FAM222A: variants seen among roughly 807,000 people sequenced by gnomAD.
The protein encoded by FAM222A is protein FAM222A.
In FAM222A, 7 loss-of-function variants were observed where a neutral mutation model predicts 25.8. The ratio of observed to expected loss-of-function variants is 0.27; its 90% confidence interval spans 0.15 to 0.51. FAM222A has a LOEUF of 0.51. FAM222A is among the 20% of genes least tolerant of loss of function. The probability of loss-of-function intolerance (pLI) is 0.97; values close to 1 mark genes in which losing one functional copy is unlikely to be tolerated. For synonymous variants in FAM222A, 294 were observed against 298.8 expected, an observed-to-expected ratio of 0.98 and a Z score of 0.17; for missense variants, 573 against 640.5, an observed-to-expected ratio of 0.89 and a Z score of 1.14.
chr12:109,726,119 T>TAAA (rs11464580), intron 1 of FAM222A, among the ~76,000 whole-genome samples: 51 of 110,342 alleles, frequency 4.6e-4, no homozygotes, highest in African/African-American at 1.5e-3. Context: ...AAAAAATTGC[T>TAAA]AAAAAAAAAA....
chr12:109,724,185 A>C (rs1204633105), intron 1 of FAM222A, among the ~76,000 whole-genome samples: 4 of 152,168 alleles, frequency 2.6e-5, no homozygotes, highest in Non-Finnish European at 4.4e-5. Flanking sequence ...ACCCACTGAG[A>C]TCTCTCACAG....
intron 1 of FAM222A, among the ~76,000 whole-genome samples, chr12:109,728,973 T>TAA (rs57626981): frequency 0.65 from 95,610 of 147,734 alleles, 31,783 homozygotes; most frequent in East Asian, 0.82. Flanking sequence ...GGGTTACAGG[T>TAA]AAAAAAAAAA....
At position 109,768,256 on chromosome 12, in the gene FAM222A, G is replaced by A. The variant is rs771098291; in HGVS notation, c.327G>A (p.Ala109=). 22 of 1,608,966 alleles carry A rather than the reference G, an allele frequency of 1.4e-5. No homozygotes were observed. Among genetic ancestry groups the A allele is most frequent in the Non-Finnish European group, 1.6e-5 (19 of 1,178,400 alleles). The change falls in exon 3 of 3, where the codon GCG becomes GCA. Residue 109 remains alanine, a synonymous_variant. Coordinates refer to ENST00000538780, the MANE Select transcript of FAM222A (RefSeq NM_032829.3). ...GCCTTCTGGCCATTGTCAAGGCCGCGGTTTCCTCCTCCAGCACGGCCGCAC... is the reference window on the plus strand; with the variant it reads ...GCCTTCTGGCCATTGTCAAGGCCGCAGTTTCCTCCTCCAGCACGGCCGCAC... ...YQGLLAIVKA[A]VSSSSTAAPA...
At chr12:109,755,587 C>A (rs1888704366) in intron 2 of FAM222A, among the ~76,000 whole-genome samples, 1 of 152,178 alleles carries the variant, frequency 6.6e-6, no homozygotes, top group African/African-American at 2.4e-5. Flanking sequence ...CTCGGCCTCC[C>A]AAAGTGCTGG....
Position 109,768,883 on chromosome 12 carries a change from C to A in FAM222A, c.954C>A (p.Gly318=). 6.3e-7 allele frequency: 1 copy of A among 1,581,534 alleles called. No individual in the cohort carries two copies. The highest frequency in any genetic ancestry group is 8.5e-7 in the Non-Finnish European group (1 of 1,171,372). Reference sequence around the variant, plus strand: ...GCAAGTCCCCTGAGGCTTGCGGGGGCCGGGCATACGAGCGGGCCAGCGGGT... The same window carrying A: ...GCAAGTCCCCTGAGGCTTGCGGGGGACGGGCATACGAGCGGGCCAGCGGGT... ...VASKSPEACG[G]RAYERASGSP... Residue 318 remains glycine, a synonymous_variant, in exon 3 of 3, where the codon GGC becomes GGA. Transcript: ENST00000538780.
chr12:109,725,427 T>TCTCCCCCCCC (rs1555288242), intron 1 of FAM222A, among the ~76,000 whole-genome samples: 4 of 127,238 alleles, frequency 3.1e-5, no homozygotes, highest in Admixed American at 8.4e-5. Flanking sequence ...CTCTTCTCCC[T>TCTCCCCCCCC]CTCCCTCCCC....
At position 109,748,340 on chromosome 12, in the gene FAM222A, T is replaced by C. The variant is rs1273545215; in HGVS notation, c.82+4112T>C. 6.2e-4 allele frequency among the ~76,000 whole-genome samples: 90 copies of C among 145,342 alleles called. 1 individual carries two copies. The highest frequency in any genetic ancestry group is 1.8e-3 in the Admixed American group (26 of 14,784). The stretch of plus-strand genomic sequence containing the variant: ...TTGTTCTTTGGTTTTCTTTCTTTTT[T>C]TTTTTTTTTTTTTTGGAACAATTTT... On this transcript the variant is annotated intron_variant, in intron 2 of 2. Coordinates refer to ENST00000538780, the MANE Select transcript of FAM222A (RefSeq NM_032829.3).
At chr12:109,745,019 A>C (rs1888357355) in intron 2 of FAM222A, among the ~76,000 whole-genome samples, 1 of 152,134 alleles carries the variant, frequency 6.6e-6, no homozygotes, top group Admixed American at 6.5e-5. Context: ...CAATGTGAAA[A>C]TATTTTTTTT....
intron 1 of FAM222A, among the ~76,000 whole-genome samples, chr12:109,730,630 A>T (rs1002946870): frequency 4.6e-5 from 7 of 151,992 alleles, no homozygotes; most frequent in African/African-American, 1.7e-4. Flanking sequence ...CTGACCTGGG[A>T]TTGGGGTTGC....
At chr12:109,767,893 A>G in intron 2 of FAM222A, 119 bp from the exon 3 acceptor site, 1 of 1,014,496 alleles carries the variant, frequency 9.9e-7, no homozygotes. Context: ...TTAAAAATGT[A>G]GAAGGAATAA....
At chr12:109,719,907 C>T (rs61943760) in intron 1 of FAM222A, among the ~76,000 whole-genome samples, 3,834 of 152,230 alleles carry the variant, frequency 0.025, 127 homozygotes, top group African/African-American at 0.07. Context: ...GCTTGGGAGT[C>T]GCAGACCTGG....
Position 109,744,125 on chromosome 12 carries a change from A to C in FAM222A, c.-22A>C. 1 of 1,611,150 alleles carries C rather than the reference A, an allele frequency of 6.2e-7. No individual in the cohort carries two copies. The highest frequency in any genetic ancestry group is 8.5e-7 in the Non-Finnish European group (1 of 1,179,482). ...GGGACCCAGTCGCAGAGCGCACCCC[A>C]CTGGGGACCCCCAGCTCAGCCATGC... On this transcript the variant is annotated 5_prime_UTR_variant, in exon 2 of 3. Coordinates refer to ENST00000538780, the MANE Select transcript of FAM222A (RefSeq NM_032829.3).
At chr12:109,762,799 T>C (rs2136381555) in intron 2 of FAM222A, among the ~76,000 whole-genome samples, 1 of 152,150 alleles carries the variant, frequency 6.6e-6, no homozygotes, top group Middle Eastern at 3.4e-3. Context: ...GGGAACAAGA[T>C]GTAAAGGAGG....
At chr12:109,717,766 T>C (rs824997) in intron 1 of FAM222A, among the ~76,000 whole-genome samples, 137,882 of 152,280 alleles carry the variant, frequency 0.91, 62,711 homozygotes, top group East Asian at 1. Flanking sequence ...TCTCCTCTCT[T>C]AAGGTTGGCC....
At chr12:109,716,107 G>A (rs566350381) in intron 1 of FAM222A, among the ~76,000 whole-genome samples, 1 of 152,324 alleles carries the variant, frequency 6.6e-6, no homozygotes, top group South Asian at 2.1e-4. Flanking sequence ...TGGCGGGCAA[G>A]TGAGGCCCAT....
chr12:109,764,221 T>TAA (rs1565847960), intron 2 of FAM222A, among the ~76,000 whole-genome samples: 2 of 9,888 alleles, frequency 2.0e-4, no homozygotes, highest in South Asian at 2.9e-3. Context: ...GACCCTGTCT[T>TAA]CAAAAAAAAA....
At chr12:109,748,963 G>A (rs1245621701) in intron 2 of FAM222A, among the ~76,000 whole-genome samples, 1 of 151,958 alleles carries the variant, frequency 6.6e-6, no homozygotes, top group Non-Finnish European at 1.5e-5. Flanking sequence ...GAGAAATTCA[G>A]GCTACAAAGT....
At chr12:109,759,773 C>A (rs1277110602) in intron 2 of FAM222A, among the ~76,000 whole-genome samples, 1 of 152,178 alleles carries the variant, frequency 6.6e-6, no homozygotes, top group Non-Finnish European at 1.5e-5. Flanking sequence ...GCCCCTGCAA[C>A]CTCTCAAAGG....
chr12:109,761,124 G>T (rs1888879834), intron 2 of FAM222A, among the ~76,000 whole-genome samples: 1 of 152,188 alleles, frequency 6.6e-6, no homozygotes, highest in African/African-American at 2.4e-5. Flanking sequence ...GAGAGGGACA[G>T]TGGTGTGCCT....
Sources: gnomAD v4.1 joint callset for allele counts (sites outside exome capture counted in the v4.1 genomes callset) on GRCh38, gnomAD v4.1.1 for gene constraint, MANE v1.5 for transcripts, NCBI Gene and HGNC (gene_info 2026-07-23, HGNC 2026-07-21) for gene names.